KBTBD13: variants seen among roughly 807,000 people sequenced by gnomAD.
KBTBD13 encodes the protein kelch repeat and BTB domain containing 13, also known as kelch repeat and BTB domain-containing protein 13.
A neutral mutation model predicts 25.4 loss-of-function variants in KBTBD13; 32 were observed. The observed-to-expected ratio is 1.26, with a 90% CI of 0.95 to 1.69. The LOEUF is 1.69. Ranked by LOEUF, KBTBD13 falls within the 40% of genes most tolerant of loss-of-function variation. KBTBD13 has a pLI of 0.00. For missense variants in KBTBD13, 898 were observed against 679.5 expected (o/e 1.32, Z -3.57); for synonymous variants, 436 against 329.8 (o/e 1.32, Z -3.49).
chr15:65,077,287 G>A lies in KBTBD13; in HGVS notation c.472G>A (p.Ala158Thr), dbSNP rs1451251653. The A allele has an allele frequency of 4.3e-6, 6 of 1,397,940 alleles. No homozygotes were observed. Among genetic ancestry groups the A allele is most frequent in the Non-Finnish European group, 5.5e-6 (6 of 1,082,004 alleles). 86.6% of individuals were successfully genotyped at this position (1,397,940 alleles called of 1,614,324 possible). ...YVAALRPSSY[A>T]AVSTHTPAPG... ...GGCGGCCCTGCGGCCCAGCAGCTACGCGGCCGTGAGCACGCACACGCCCGC... is the reference window on the plus strand; with the variant it reads ...GGCGGCCCTGCGGCCCAGCAGCTACACGGCCGTGAGCACGCACACGCCCGC... The change falls in exon 1 of 1, where the codon GCG becomes ACG. Residue 158 changes from alanine (A) to threonine (T), a missense_variant. Transcript: ENST00000432196.
chr15:65,077,432 C>T lies in KBTBD13; in HGVS notation c.617C>T (p.Thr206Met), dbSNP rs1291529388. The T allele has an allele frequency of 9.2e-6, 14 of 1,528,248 alleles. No homozygotes were observed. Among genetic ancestry groups the T allele is most frequent in the Middle Eastern group, 2.0e-4 (1 of 5,104 alleles). 94.7% of individuals were successfully genotyped at this position (1,528,248 alleles called of 1,614,324 possible). Reference protein sequence around the residue: ...EASTLLAGVATLGNKLYIVGG... With the variant: ...EASTLLAGVAMLGNKLYIVGG... ...AGCACGTTGCTGGCCGGGGTGGCCA[C>T]GCTGGGCAACAAGCTTTACATCGTG... is the stretch of plus-strand genomic sequence containing the variant. The change falls in exon 1 of 1, where the codon ACG becomes ATG. Residue 206 changes from threonine to methionine, a missense_variant. Physicochemically the swap from Thr to Met is moderately conservative, Grantham distance 81 (BLOSUM62 -1). Coordinates refer to ENST00000432196, the MANE Select transcript of KBTBD13 (RefSeq NM_001101362.3).
chr15:65,077,211 C>T lies in KBTBD13; in HGVS notation c.396C>T (p.Gly132=), dbSNP rs1232211104. 6.9e-7 allele frequency: 1 copy of T among 1,447,810 alleles called. No homozygotes were observed. Among genetic ancestry groups the T allele is most frequent in the Non-Finnish European group, 9.1e-7 (1 of 1,101,848 alleles). 89.7% of individuals were successfully genotyped at this position (1,447,810 alleles called of 1,614,324 possible). ...FHSAALFICD[G]ERELAAELAL... ...GTGCCGCGCTCTTCATCTGCGACGG[C>T]GAGCGCGAGCTGGCGGCCGAACTGG... Residue 132 remains glycine (G), a synonymous_variant, in exon 1 of 1, where the codon GGC becomes GGT. Transcript: ENST00000432196.
chr15:65,077,710 C>T lies in KBTBD13; in HGVS notation c.895C>T (p.Pro299Ser). ...CCTGCCGCAGCCGGCCGCCGGCGTGCCCTGCGCCCAGGCTTGTGGCCGTCT... is the reference window on the plus strand; with the variant it reads ...CCTGCCGCAGCCGGCCGCCGGCGTGTCCTGCGCCCAGGCTTGTGGCCGTCT... ...ADLPQPAAGV[P>S]CAQACGRLFV... The change falls in exon 1 of 1, where the codon CCC (proline) becomes TCC (serine). Residue 299 changes from proline to serine, a missense_variant. By Grantham distance (74) the Pro-to-Ser change is moderately conservative. Coordinates refer to ENST00000432196, the MANE Select transcript of KBTBD13 (RefSeq NM_001101362.3). 1.3e-6 allele frequency: 2 copies of T among 1,585,814 alleles called. No individual in the cohort carries two copies. Among genetic ancestry groups the T allele is most frequent in the South Asian group, 1.1e-5 (1 of 89,162 alleles).
Position 65,078,012 on chromosome 15 carries a change from C to T in KBTBD13, c.1197C>T (p.Arg399=), listed in dbSNP as rs150830358. 20,122 of 1,607,256 alleles carry T rather than the reference C, an allele frequency of 0.013. 150 individuals are homozygous for T. The highest frequency in any genetic ancestry group is 0.014 in the Non-Finnish European group (16,812 of 1,179,614). Residue 399 remains arginine (R), a synonymous_variant, in exon 1 of 1, where the codon CGC becomes CGT. Coordinates refer to ENST00000432196, the MANE Select transcript of KBTBD13 (RefSeq NM_001101362.3). ...GAGCGCTCTTCACGGCCGTGGTGCGCGGTGACACCGTCTATACGGTCAACC... is the reference window on the plus strand; with the variant it reads ...GAGCGCTCTTCACGGCCGTGGTGCGTGGTGACACCGTCTATACGGTCAACC... ...SKGALFTAVV[R]GDTVYTVNRM...
At position 65,079,276 on chromosome 15, in the gene KBTBD13, C is replaced by T. The variant is rs2087017201; in HGVS notation, c.*1084C>T. On this transcript the variant is annotated 3_prime_UTR_variant, in exon 1 of 1. Transcript: ENST00000432196. ...TTTGTTCTCTTCCTGTCCTATTCTG[C>T]CCTTTGCAATTCCCTGGGCTGGAAT... Among the ~76,000 whole-genome samples, 1 of 152,202 alleles carries T rather than the reference C, an allele frequency of 6.6e-6. No individual in the cohort carries two copies. The highest frequency in any genetic ancestry group is 1.5e-5 in the Non-Finnish European group (1 of 68,038).
At position 65,076,764 on chromosome 15, in the gene KBTBD13, G is replaced by C; in HGVS notation, c.-52G>C. On this transcript the variant is annotated 5_prime_UTR_variant, in exon 1 of 1. Coordinates refer to ENST00000432196, the MANE Select transcript of KBTBD13 (RefSeq NM_001101362.3). ...TTGCTCCAGGGGAGCCCCAGAGTTG[G>C]TGGCTGGCTAACCCAAGGCCCCAGC... The C allele has an allele frequency of 6.8e-7, 1 of 1,463,374 alleles. No homozygotes were observed. The highest frequency in any genetic ancestry group is 9.0e-7 in the Non-Finnish European group (1 of 1,107,010). 90.6% of individuals were successfully genotyped at this position (1,463,374 alleles called of 1,614,324 possible).
Position 65,077,173 on chromosome 15 carries a change from G to A in KBTBD13, c.358G>A (p.Asp120Asn), listed in dbSNP as rs1403660333. The A allele has an allele frequency of 7.3e-6, 11 of 1,506,762 alleles. No individual in the cohort carries two copies. In the African/African-American group the frequency reaches 1.1e-4, roughly 16 times the overall value. The allele number at this position is 1,506,762 out of a possible 1,614,324, so 93.3% of individuals were successfully genotyped here. A position where few individuals can be genotyped will look rare whatever the true frequency, so the allele number is the denominator to read the frequency against. Residue 120 changes from aspartate (D) to asparagine (N), a missense_variant, in exon 1 of 1, where the codon GAC becomes AAC. Asp to Asn is a conservative substitution (Grantham distance 23). Coordinates refer to ENST00000432196, the MANE Select transcript of KBTBD13 (RefSeq NM_001101362.3). ...CDAAAAFGLR[D>N]VFHSAALFIC... is the part of the protein sequence containing the mutation. ...CGCGGCCGCCGCCTTCGGCCTGCGC[G>A]ACGTGTTCCACAGTGCCGCGCTCTT...
chr15:65,078,000 G>A lies in KBTBD13; in HGVS notation c.1185G>A (p.Thr395=). The A allele has an allele frequency of 6.2e-7, 1 of 1,608,740 alleles. No homozygotes were observed. The highest frequency in any genetic ancestry group is 1.6e-4 in the Middle Eastern group (1 of 6,062). ...TCAACAGCAAGGGAGCGCTCTTCAC[G>A]GCCGTGGTGCGCGGTGACACCGTCT... is the stretch of plus-strand genomic sequence containing the variant. ...QFVNSKGALF[T]AVVRGDTVYT... The change falls in exon 1 of 1, where the codon ACG becomes ACA. Residue 395 remains threonine (T), a synonymous_variant. Coordinates refer to ENST00000432196, the MANE Select transcript of KBTBD13 (RefSeq NM_001101362.3).
Position 65,078,841 on chromosome 15 carries a change from A to G in KBTBD13, c.*649A>G, listed in dbSNP as rs1055257769. Among the ~76,000 whole-genome samples, 2 of 152,230 alleles carry G rather than the reference A, an allele frequency of 1.3e-5. No individual in the cohort carries two copies. Among genetic ancestry groups the G allele is most frequent in the African/African-American group, 4.8e-5 (2 of 41,462 alleles). On this transcript the variant is annotated 3_prime_UTR_variant, in exon 1 of 1. Coordinates refer to ENST00000432196, the MANE Select transcript of KBTBD13 (RefSeq NM_001101362.3). ...TGCAAACTCTATGGAGGAGATGAGC[A>G]GGATACCATTAGCTGCTGAAAGGGG...
rs923485461 is a variant in KBTBD13 at position 65,079,861 on chromosome 15, T to C, written c.*1669T>C. 1.4e-4 allele frequency among the ~76,000 whole-genome samples: 22 copies of C among 152,252 alleles called. 1 individual carries two copies. The highest frequency in any genetic ancestry group is 5.3e-4 in the African/African-American group (22 of 41,472). On this transcript the variant is annotated 3_prime_UTR_variant, in exon 1 of 1. Coordinates refer to ENST00000432196, the MANE Select transcript of KBTBD13 (RefSeq NM_001101362.3). ...CCTATGTCCCAACCCTGGAGAATGCTGCCCTCAGAAGCCTGGGACCTTCCA... is the reference window on the plus strand; with the variant it reads ...CCTATGTCCCAACCCTGGAGAATGCCGCCCTCAGAAGCCTGGGACCTTCCA...
chr15:65,078,362 T>G lies in KBTBD13; in HGVS notation c.*170T>G, dbSNP rs2087011072. ...CATGTTCAAGAAGCTCAGGGAGCAG[T>G]GATGATGCCCTCAAATTACTTGGGC... On this transcript the variant is annotated 3_prime_UTR_variant, in exon 1 of 1. Coordinates refer to ENST00000432196, the MANE Select transcript of KBTBD13 (RefSeq NM_001101362.3). 6.6e-6 allele frequency among the ~76,000 whole-genome samples: 1 copy of G among 152,152 alleles called. No individual in the cohort carries two copies. Among genetic ancestry groups the G allele is most frequent in the Non-Finnish European group, 1.5e-5 (1 of 68,030 alleles).
Position 65,078,782 on chromosome 15 carries a change from GA to G in KBTBD13, c.*596del, listed in dbSNP as rs145751533. Among the ~76,000 whole-genome samples, 2 of 152,156 alleles carry G rather than the reference GA, an allele frequency of 1.3e-5. No individual in the cohort carries two copies. Among genetic ancestry groups the G allele is most frequent in the African/African-American group, 2.4e-5 (1 of 41,418 alleles). The stretch of plus-strand genomic sequence containing the variant: ...TCAGGGCAAAGGGAAAATAGGAAGA[GA>G]AAAAATATATAACTCCAGAAAAGAA... On this transcript the variant is annotated 3_prime_UTR_variant, in exon 1 of 1. Transcript: ENST00000432196.
chr15:65,077,929 C>G lies in KBTBD13; in HGVS notation c.1114C>G (p.Leu372Val). 2.5e-6 allele frequency: 4 copies of G among 1,611,958 alleles called. No individual in the cohort carries two copies. Among genetic ancestry groups the G allele is most frequent in the Non-Finnish European group, 3.4e-6 (4 of 1,179,804 alleles). The change falls in exon 1 of 1, where the codon CTC becomes GTC. Residue 372 changes from leucine (L) to valine (V), a missense_variant. By Grantham distance (32) the Leu-to-Val change is conservative. Coordinates refer to ENST00000432196, the MANE Select transcript of KBTBD13 (RefSeq NM_001101362.3). The part of the protein sequence containing the change: ...DDFLHCAIDC[L>V]NLATGQWTAL... ...CTTCCTGCACTGCGCCATCGACTGT[C>G]TCAACCTGGCCACGGGCCAGTGGAC...
In KBTBD13 at chr15:65,076,777, C is replaced by T. The variant is rs2086973969; in HGVS notation, c.-39C>T. Reference sequence around the variant, plus strand: ...GCCCCAGAGTTGGTGGCTGGCTAACCCAAGGCCCCAGCGGCAGCCTCCGCC... The same window carrying T: ...GCCCCAGAGTTGGTGGCTGGCTAACTCAAGGCCCCAGCGGCAGCCTCCGCC... On this transcript the variant is annotated 5_prime_UTR_variant, in exon 1 of 1. Coordinates refer to ENST00000432196, the MANE Select transcript of KBTBD13 (RefSeq NM_001101362.3). 1.3e-6 allele frequency: 2 copies of T among 1,484,038 alleles called. No homozygotes were observed. The highest frequency in any genetic ancestry group is 2.5e-5 in the East Asian group (1 of 40,076). 91.9% of individuals were successfully genotyped at this position (1,484,038 alleles called of 1,614,324 possible).
chr15:65,076,955 A>G lies in KBTBD13; in HGVS notation c.140A>G (p.Glu47Gly), dbSNP rs766293418. The G allele has an allele frequency of 6.4e-6, 10 of 1,551,800 alleles. No individual in the cohort carries two copies. The South Asian group carries it at 1.2e-4, about 18-fold the overall frequency. Residue 47 changes from glutamate to glycine, a missense_variant, in exon 1 of 1, where the codon GAG becomes GGG. Coordinates refer to ENST00000432196, the MANE Select transcript of KBTBD13 (RefSeq NM_001101362.3). ...GGCATGCGGGAGACCCGCGCAGCAG[A>G]GGTGCGCCTGGGCGTTCTGAGCGCG... ...RSGMRETRAA[E>G]VRLGVLSAGG...
chr15:65,077,555 C>G lies in KBTBD13; in HGVS notation c.740C>G (p.Pro247Arg), dbSNP rs761257003. 3 of 1,542,008 alleles carry G rather than the reference C, an allele frequency of 1.9e-6. No homozygotes were observed. The highest frequency in any genetic ancestry group is 1.4e-5 in the African/African-American group (1 of 73,034). Residue 247 changes from proline (P) to arginine (R), a missense_variant, in exon 1 of 1, where the codon CCG becomes CGG. Transcript: ENST00000432196. ...TWHEFPSPHQ[P>R]RYDTALAGFD... is the part of the protein sequence containing the mutation. ...CACGAGTTCCCCAGCCCGCACCAGC[C>G]GCGCTATGACACAGCGCTGGCCGGC...
Position 65,076,864 on chromosome 15 carries a change from C to T in KBTBD13, c.49C>T (p.Leu17Phe). 3 of 1,564,262 alleles carry T rather than the reference C, an allele frequency of 1.9e-6. No homozygotes were observed. Among genetic ancestry groups the T allele is most frequent in the Non-Finnish European group, 2.6e-6 (3 of 1,162,750 alleles). ...TLVQVWVGGQ[L>F]FQADRALLVE... ...GGTGCAGGTGTGGGTGGGCGGCCAG[C>T]TCTTCCAAGCCGACCGCGCCCTGCT... is the stretch of plus-strand genomic sequence containing the variant. Residue 17 changes from leucine (L) to phenylalanine (F), a missense_variant, in exon 1 of 1, where the codon CTC becomes TTC. Transcript: ENST00000432196.
At position 65,078,157 on chromosome 15, in the gene KBTBD13, C is replaced by G; in HGVS notation, c.1342C>G (p.Pro448Ala). The G allele has an allele frequency of 6.5e-7, 1 of 1,545,170 alleles. No individual in the cohort carries two copies. Among genetic ancestry groups the G allele is most frequent in the East Asian group, 2.4e-5 (1 of 41,414 alleles). ...TCTCCTAAGGCTGCCTCCTGGCGCTCCTGGGCCTGTGACTTCGACAACGGC... is the reference window on the plus strand; with the variant it reads ...TCTCCTAAGGCTGCCTCCTGGCGCTGCTGGGCCTGTGACTTCGACAACGGC... Reference protein sequence around the residue: ...TFLLRLPPGAPGPVTSTTAEL With the variant: ...TFLLRLPPGAAGPVTSTTAEL Residue 448 changes from proline to alanine, a missense_variant, in exon 1 of 1, where the codon CCT becomes GCT. Pro to Ala is a conservative substitution (Grantham distance 27). Transcript: ENST00000432196.
Position 65,079,899 on chromosome 15 carries a change from C to T in KBTBD13, c.*1707C>T, listed in dbSNP as rs1188090438. Among the ~76,000 whole-genome samples the T allele has an allele frequency of 6.6e-6, 1 of 152,178 alleles. No homozygotes were observed. Among genetic ancestry groups the T allele is most frequent in the Non-Finnish European group, 1.5e-5 (1 of 68,040 alleles). On this transcript the variant is annotated 3_prime_UTR_variant, in exon 1 of 1. Coordinates refer to ENST00000432196, the MANE Select transcript of KBTBD13 (RefSeq NM_001101362.3). ...CTGGGACCTTCCAGCCCTGGAGTAG[C>T]CTAGTCTGATAAGTCTCAACAATAA...
Sources: gnomAD v4.1 joint callset for allele counts (sites outside exome capture counted in the v4.1 genomes callset) on GRCh38, gnomAD v4.1.1 for gene constraint, MANE v1.5 for transcripts, NCBI Gene and HGNC (gene_info 2026-07-23, HGNC 2026-07-21) for gene names.